Variants in FCHSD2 observed in about 807,000 individuals in gnomAD.
FCHSD2 encodes F-BAR and double SH3 domains protein 2.
FCHSD2 carries 38 observed loss-of-function variants against 108.1 expected under a neutral mutation model. The observed-to-expected ratio is 0.35, with a 90% CI of 0.27 to 0.46. The LOEUF is 0.46. Among genes scored for constraint, FCHSD2 ranks in the 20% least tolerant of loss-of-function variants. FCHSD2 has a pLI of 1.00. For synonymous variants in FCHSD2, 279 were observed against 314.7 expected, an observed-to-expected ratio of 0.89 and a Z score of 1.20; for missense variants, 751 against 897.8, an observed-to-expected ratio of 0.84 and a Z score of 2.09.
At chr11:73,034,208 T>G (rs1193913855) in intron 3 of FCHSD2, among the ~76,000 whole-genome samples, 1 of 152,222 alleles carries the variant, frequency 6.6e-6, no homozygotes, top group Non-Finnish European at 1.5e-5. Context: ...AAGCCCTACA[T>G]GCATTAGGTA....
At chr11:73,106,704 G>GT (rs1021515843) in intron 2 of FCHSD2, among the ~76,000 whole-genome samples, 1 of 152,096 alleles carries the variant, frequency 6.6e-6, no homozygotes, top group Non-Finnish European at 1.5e-5. Flanking sequence ...TTTATGCTGT[G>GT]TTTTTTCTAC....
intron 8 of FCHSD2, among the ~76,000 whole-genome samples, chr11:72,980,387 T>G (rs969787960): frequency 6.6e-6 from 1 of 152,140 alleles, no homozygotes; most frequent in African/African-American, 2.4e-5. Context: ...ATACAGATTA[T>G]CCAGTTATGG....
chr11:73,094,595 G>A (rs930215699), intron 2 of FCHSD2, among the ~76,000 whole-genome samples: 1 of 152,006 alleles, frequency 6.6e-6, no homozygotes, highest in Non-Finnish European at 1.5e-5. Flanking sequence ...TGAACAAGAT[G>A]ACCACTTCAT....
rs977269379 is a variant in FCHSD2, at chr11:73,131,720, TAA to T, written c.119+8309_119+8310del. ...CTATGTCTCAAAAAAAAAAAAAAAT[TAA>T]AAAATTTAAAAAATAAGAACACCAT... On this transcript the variant is annotated intron_variant, in intron 2 of 19. Transcript: ENST00000409418. Among the ~76,000 whole-genome samples the T allele has an allele frequency of 2.8e-4, 43 of 151,238 alleles. 1 individual carries two copies. The highest frequency in any genetic ancestry group is 2.6e-3 in the Admixed American group (39 of 15,180).
At chr11:72,854,084 T>C (rs1268763356) in intron 13 of FCHSD2, among the ~76,000 whole-genome samples, 2 of 152,186 alleles carry the variant, frequency 1.3e-5, no homozygotes, top group Admixed American at 6.5e-5. Flanking sequence ...ATAACAAGTG[T>C]TGACAAGGAT....
chr11:72,896,705 T>C (rs1028743382), intron 10 of FCHSD2, among the ~76,000 whole-genome samples: 8 of 149,992 alleles, frequency 5.3e-5, no homozygotes, highest in Non-Finnish European at 7.4e-5. Context: ...ATTTCAAGAT[T>C]TGTAATGTCT....
intron 3 of FCHSD2, among the ~76,000 whole-genome samples, chr11:73,071,449 T>C (rs1362985711): frequency 6.6e-6 from 1 of 151,430 alleles, no homozygotes; most frequent in African/African-American, 2.4e-5. Flanking sequence ...CCCAGCACCT[T>C]GAGAGGTCGA....
At chr11:72,856,872 A>T in intron 13 of FCHSD2, among the ~76,000 whole-genome samples, 1 of 152,216 alleles carries the variant, frequency 6.6e-6, no homozygotes, top group East Asian at 1.9e-4. Context: ...GAAATGTATT[A>T]TATATACTTA....
intron 5 of FCHSD2, among the ~76,000 whole-genome samples, chr11:72,990,691 T>C (rs1857394493): frequency 6.6e-6 from 1 of 152,210 alleles, no homozygotes; most frequent in Non-Finnish European, 1.5e-5. Flanking sequence ...CCAGAATCTC[T>C]GGGACACATT....
intron 2 of FCHSD2, among the ~76,000 whole-genome samples, chr11:73,091,372 C>G (rs991246964): frequency 1.1e-4 from 16 of 151,916 alleles, no homozygotes; most frequent in African/African-American, 3.9e-4. Flanking sequence ...AACCCCATCT[C>G]TACTAAAAAT....
Position 72,902,600 on chromosome 11 carries a change from T to C in FCHSD2, c.867A>G (p.Glu289=). 6.3e-7 allele frequency: 1 copy of C among 1,586,016 alleles called. No homozygotes were observed. Among genetic ancestry groups the C allele is most frequent in the Non-Finnish European group, 8.6e-7 (1 of 1,165,340 alleles). The change falls in exon 10 of 20, where the codon GAA becomes GAG. Residue 289 remains glutamate, a synonymous_variant. Coordinates refer to ENST00000409418, the MANE Select transcript of FCHSD2 (RefSeq NM_014824.3). ...RDYNLQLFLQ[E]NAVFHKPQPF... is the part of the protein sequence containing the mutation. ...GCTGGGGTTTGTGAAATACAGCGTT[T>C]TCTTGCAAAAACAGCTGAAGATTGT...
intron 3 of FCHSD2, 114 bp from the exon 4 acceptor site, chr11:73,015,999 G>T: frequency 1.5e-6 from 1 of 649,432 alleles, no homozygotes. Context: ...ATTTAATTCA[G>T]AAGTGAAAAA....
rs760918779 is a variant in FCHSD2 at position 72,843,500 on chromosome 11, T to A, written c.1476A>T (p.Glu492Asp). 2 of 1,613,706 alleles carry A rather than the reference T, an allele frequency of 1.2e-6. No individual in the cohort carries two copies. The highest frequency in any genetic ancestry group is 1.7e-6 in the Non-Finnish European group (2 of 1,179,706). The change falls in exon 15 of 20, where the codon GAA becomes GAT. Residue 492 changes from glutamate (E) to aspartate (D), a missense_variant. By Grantham distance (45) the Glu-to-Asp change is conservative (BLOSUM62 2). Coordinates refer to ENST00000409418, the MANE Select transcript of FCHSD2 (RefSeq NM_014824.3). ...ASQPDELTIE[E>D]HEVLEVIEDG... is the part of the protein sequence containing the mutation. ...CTTCAATCACTTCTAACACCTCATG[T>A]TCCTCAATGGTCAACTCATCTGGTT...
intron 3 of FCHSD2, among the ~76,000 whole-genome samples, chr11:73,024,822 T>C (rs552924123): frequency 6.6e-4 from 100 of 151,814 alleles, no homozygotes; most frequent in Non-Finnish European, 1.3e-3. Context: ...CATTAAGAAA[T>C]GGGCAAAGGA....
intron 2 of FCHSD2, among the ~76,000 whole-genome samples, chr11:73,101,460 G>A (rs1294788779): frequency 6.6e-6 from 1 of 152,080 alleles, no homozygotes; most frequent in African/African-American, 2.4e-5. Flanking sequence ...CTGTTTTAGA[G>A]ACAGGGTCTC....
rs545407997 is a variant in FCHSD2 at position 72,966,217 on chromosome 11, T to A, written c.705+17871A>T. Among the ~76,000 whole-genome samples, 6 of 141,558 alleles carry A rather than the reference T, an allele frequency of 4.2e-5. No homozygotes were observed. The East Asian group carries it at 1.3e-3, about 30-fold the overall frequency. The allele number at this position is 141,558 out of a possible 152,430, so 92.9% of individuals were successfully genotyped here. A position where few individuals can be genotyped will look rare whatever the true frequency, so the allele number is the denominator to read the frequency against. On this transcript the variant is annotated intron_variant, in intron 8 of 19. Coordinates refer to ENST00000409418, the MANE Select transcript of FCHSD2 (RefSeq NM_014824.3). ...CTCTGTCGCCCAGGAAGGAGTGCAG[T>A]GGTGCGATGTCGGCTCACTGCAACC...
At chr11:72,915,678 C>T (rs992535064) in intron 9 of FCHSD2, among the ~76,000 whole-genome samples, 8 of 152,042 alleles carry the variant, frequency 5.3e-5, no homozygotes, top group Non-Finnish European at 7.4e-5. Flanking sequence ...ATTAGCCGGG[C>T]GCGGTGGTGG....
chr11:72,967,211 A>C (rs1461123095), intron 8 of FCHSD2, among the ~76,000 whole-genome samples: 2 of 151,870 alleles, frequency 1.3e-5, no homozygotes, highest in Non-Finnish European at 2.9e-5. Context: ...AAAAAAAAAA[A>C]AAAAAGTTAA....
intron 3 of FCHSD2, among the ~76,000 whole-genome samples, chr11:73,026,973 T>C (rs945816251): frequency 1.3e-5 from 2 of 152,166 alleles, no homozygotes; most frequent in Non-Finnish European, 2.9e-5. Flanking sequence ...TTAAACCTCT[T>C]CCTTGATAAA....
Sources: gnomAD v4.1 joint callset for allele counts (sites outside exome capture counted in the v4.1 genomes callset) on GRCh38, gnomAD v4.1.1 for gene constraint, MANE v1.5 for transcripts, NCBI Gene and HGNC (gene_info 2026-07-23, HGNC 2026-07-21) for gene names.